Variants in APLP2 observed in about 807,000 individuals in gnomAD.
APLP2 encodes the protein amyloid beta precursor like protein 2.
In APLP2, 53 loss-of-function variants were observed where a neutral mutation model predicts 89.9. That is an observed-to-expected ratio of 0.59 (90% CI 0.47 to 0.74). The LOEUF (loss-of-function observed/expected upper bound fraction) is 0.74. Among genes scored for constraint, APLP2 ranks in the 30% least tolerant of loss-of-function variants. The pLI is 0.00. For synonymous variants in APLP2, 372 were observed against 348.6 expected, an observed-to-expected ratio of 1.07 and a Z score of -0.75; for missense variants, 973 against 975.9, an observed-to-expected ratio of 1.00 and a Z score of 0.04.
rs547569776 is a variant in APLP2, at chr11:130,112,122, CTG to C, written c.403+1464_403+1465del. Among the ~76,000 whole-genome samples, 22 of 152,316 alleles carry C rather than the reference CTG, an allele frequency of 1.4e-4. 1 individual carries two copies. Among genetic ancestry groups the C allele is most frequent in the African/African-American group, 5.3e-4 (22 of 41,578 alleles). ...TAGGCTTATAGTCATGATTTTCAAA[CTG>C]TGCGCCGAGGCACCTCGGGGCATTG... On this transcript the variant is annotated intron_variant, in intron 3 of 16. Transcript: ENST00000338167.
chr11:130,090,162 C>G (rs1438266029), intron 1 of APLP2, among the ~76,000 whole-genome samples: 2 of 151,188 alleles, frequency 1.3e-5, no homozygotes, highest in Non-Finnish European at 2.9e-5. Context: ...ACTTTCCCAT[C>G]TCTAGTTTTC....
At chr11:130,109,801 C>T in intron 2 of APLP2, 199 bp downstream of exon 2, 1 of 506,960 alleles carries the variant, frequency 2.0e-6, no homozygotes, top group South Asian at 3.8e-5. Context: ...TCTGTGAGCT[C>T]TCAGTTCTTT....
intron 1 of APLP2, among the ~76,000 whole-genome samples, chr11:130,106,887 C>T (rs1163685266): frequency 6.6e-6 from 1 of 151,510 alleles, no homozygotes; most frequent in Non-Finnish European, 1.5e-5. Context: ...CGGGGTTTTG[C>T]CATGTTGGAC....
At chr11:130,106,457 C>T (rs1447646338) in intron 1 of APLP2, among the ~76,000 whole-genome samples, 2 of 152,200 alleles carry the variant, frequency 1.3e-5, no homozygotes, top group Non-Finnish European at 2.9e-5. Flanking sequence ...CTAGAGAAAG[C>T]ATCAGAGCTT....
chr11:130,092,970 A>G (rs1012715238), intron 1 of APLP2, among the ~76,000 whole-genome samples: 4 of 152,154 alleles, frequency 2.6e-5, no homozygotes, highest in African/African-American at 9.7e-5. Flanking sequence ...CTCTGAAGAC[A>G]TGCTGAGGCC....
intron 1 of APLP2, among the ~76,000 whole-genome samples, chr11:130,075,188 TA>T (rs374638947): frequency 6.6e-6 from 1 of 152,188 alleles, no homozygotes; most frequent in African/African-American, 2.4e-5. Context: ...GTCTCACTCT[TA>T]CCAAGGCTGG....
At chr11:130,107,330 C>G (rs908001877) in intron 1 of APLP2, among the ~76,000 whole-genome samples, 9 of 152,122 alleles carry the variant, frequency 5.9e-5, no homozygotes, top group African/African-American at 2.2e-4. Context: ...TAGAAGTATC[C>G]CAGATGGGGA....
intron 1 of APLP2, among the ~76,000 whole-genome samples, chr11:130,070,295 CA>C (rs1222646820): frequency 6.6e-6 from 1 of 151,296 alleles, no homozygotes; most frequent in Non-Finnish European, 1.5e-5. Context: ...CCGCAGAGGC[CA>C]AATGAAAGGC....
intron 12 of APLP2, among the ~76,000 whole-genome samples, chr11:130,134,876 GCTGA>G (rs1401653846): frequency 1.3e-5 from 2 of 152,224 alleles, no homozygotes; most frequent in Non-Finnish European, 2.9e-5. Flanking sequence ...TGGTACCATG[GCTGA>G]CTGAGGTGGA....
chr11:130,117,803 T>C (rs1949366591), intron 3 of APLP2, among the ~76,000 whole-genome samples: 2 of 152,214 alleles, frequency 1.3e-5, no homozygotes, highest in South Asian at 4.1e-4. Context: ...CCAGGCGCAG[T>C]GGCTCACGCC....
In APLP2 at chr11:130,122,412, A is replaced by T; in HGVS notation, c.821A>T (p.Tyr274Phe). 4 of 1,614,176 alleles carry T rather than the reference A, an allele frequency of 2.5e-6. No individual in the cohort carries two copies. Among genetic ancestry groups the T allele is most frequent in the Non-Finnish European group, 3.4e-6 (4 of 1,180,018 alleles). Residue 274 changes from tyrosine to phenylalanine, a missense_variant, in exon 6 of 17, where the codon TAC (tyrosine) becomes TTC (phenylalanine). Coordinates refer to ENST00000338167, the MANE Select transcript of APLP2 (RefSeq NM_001142276.2). Reference protein sequence around the residue: ...GEEVVEDRDYYYDTFKGDDYN... With the variant: ...GEEVVEDRDYFYDTFKGDDYN... ...GAAGTGGTGGAGGACCGAGATTACT[A>T]CTATGACACCTTCAAAGGAGATGAC...
At chr11:130,093,202 G>C (rs1021852462) in intron 1 of APLP2, among the ~76,000 whole-genome samples, 1 of 152,222 alleles carries the variant, frequency 6.6e-6, no homozygotes, top group African/African-American at 2.4e-5. Context: ...TTGTGCATGT[G>C]CAGGAAACTT....
chr11:130,080,124 A>G (rs1942902507), intron 1 of APLP2, among the ~76,000 whole-genome samples: 2 of 152,024 alleles, frequency 1.3e-5, no homozygotes, highest in Non-Finnish European at 2.9e-5. Context: ...TTGACCTGTA[A>G]TTTTTCTCTT....
chr11:130,075,370 G>C (rs1941943056), intron 1 of APLP2, among the ~76,000 whole-genome samples: 1 of 152,176 alleles, frequency 6.6e-6, no homozygotes, highest in Non-Finnish European at 1.5e-5. Flanking sequence ...TTTTTTTAAA[G>C]ATGAAGATTA....
chr11:130,141,774 G>C lies in APLP2; in HGVS notation c.1999-145G>C. ...GAAGAGTGGGCGTTCTCCACCTGTG[G>C]GTGGTTCCCTGCAAAGCAGGATCTT... On this transcript the variant is annotated intron_variant, in intron 15 of 16. Transcript: ENST00000338167. The surrounding 1 kb of genome is among the most constrained non-coding windows in gnomAD (Gnocchi z 4.2). The C allele has an allele frequency of 9.7e-7, 1 of 1,033,066 alleles. No homozygotes were observed. Among genetic ancestry groups the C allele is most frequent in the South Asian group, 1.6e-5 (1 of 61,726 alleles). 64.0% of individuals were successfully genotyped at this position (1,033,066 alleles called of 1,614,324 possible).
intron 1 of APLP2, among the ~76,000 whole-genome samples, chr11:130,073,570 C>T (rs1395178939): frequency 1.3e-5 from 2 of 152,194 alleles, no homozygotes; most frequent in African/African-American, 2.4e-5. Flanking sequence ...TCACCAGGCG[C>T]GGTGGCTCAC....
chr11:130,107,756 A>C (rs1947980117), intron 1 of APLP2, among the ~76,000 whole-genome samples: 1 of 152,234 alleles, frequency 6.6e-6, no homozygotes, highest in African/African-American at 2.4e-5. Flanking sequence ...CGCGTTGCCA[A>C]GTCAATCCTA....
intron 3 of APLP2, among the ~76,000 whole-genome samples, chr11:130,119,657 A>T (rs1949602284): frequency 6.6e-6 from 1 of 152,218 alleles, no homozygotes; most frequent in South Asian, 2.1e-4. Context: ...GTAATAGTGA[A>T]TATCTCTGTA....
chr11:130,135,178 G>A (rs926444795), intron 12 of APLP2, among the ~76,000 whole-genome samples: 2 of 152,108 alleles, frequency 1.3e-5, no homozygotes, highest in Non-Finnish European at 2.9e-5. Context: ...TTTGCCGAGA[G>A]TAGATTTGAG....
Sources: gnomAD v4.1 joint callset for allele counts (sites outside exome capture counted in the v4.1 genomes callset) on GRCh38, gnomAD v4.1.1 for gene constraint, Gnocchi (gnomAD v3.1) non-coding constraint, MANE v1.5 for transcripts, NCBI Gene and HGNC (gene_info 2026-07-23, HGNC 2026-07-21) for gene names.